The following MREG variants were observed in gnomAD, a reference collection of about 807,000 sequenced individuals.
The protein encoded by MREG is melanoregulin.
Under a neutral mutation model 28.5 loss-of-function variants are expected in MREG, and 31 were observed. The observed-to-expected ratio is 1.09, with a 90% CI of 0.82 to 1.47. The LOEUF is 1.47. Ranked by LOEUF, MREG falls within the 40% of genes most tolerant of loss-of-function variation. MREG has a pLI of 0.00. For missense variants in MREG, 256 were observed against 257.4 expected (o/e 0.99, Z 0.04); for synonymous variants, 106 against 95.2 (o/e 1.11, Z -0.66).
intron 2 of MREG, among the ~76,000 whole-genome samples, chr2:215,989,824 A>G (rs1189015150): frequency 6.6e-6 from 1 of 152,022 alleles, no homozygotes; most frequent in East Asian, 1.9e-4. Flanking sequence ...AATGAAATAA[A>G]GCATGAAGAC....
intron 1 of MREG, among the ~76,000 whole-genome samples, chr2:216,031,596 G>T (rs1032024965): frequency 1.1e-5 from 1 of 88,388 alleles, no homozygotes; most frequent in Non-Finnish European, 2.8e-5. Context: ...GGAAAGAAAA[G>T]AAGGAAAGAA....
chr2:215,983,310 G>A (rs1693479120), intron 2 of MREG, among the ~76,000 whole-genome samples: 1 of 152,220 alleles, frequency 6.6e-6, no homozygotes, highest in African/African-American at 2.4e-5. Context: ...GAGCCAGACT[G>A]GAGTATCTCA....
intron 2 of MREG, among the ~76,000 whole-genome samples, chr2:215,971,083 C>G (rs750068366): frequency 1.3e-5 from 2 of 151,996 alleles, no homozygotes; most frequent in African/African-American, 4.8e-5. Context: ...GGGAGTTGAA[C>G]AATGAGAATA....
chr2:215,976,248 T>C (rs887539003), intron 2 of MREG, among the ~76,000 whole-genome samples: 1 of 152,238 alleles, frequency 6.6e-6, no homozygotes, highest in African/African-American at 2.4e-5. Flanking sequence ...ATCCCATGCA[T>C]CTTGCCTTCT....
rs1320297900 is a variant in MREG at position 215,979,319 on chromosome 2, CG to C, written c.255+16986del. Among the ~76,000 whole-genome samples the C allele has an allele frequency of 2.2e-4, 33 of 151,738 alleles. No homozygotes were observed. The East Asian group carries it at 6.4e-3, about 29-fold the overall frequency. ...TCTCTACTAAAAATACAAAATTAGC[CG>C]GGCATGGTGGCGCATGCCTGTAATC... is the stretch of plus-strand genomic sequence containing the variant. On this transcript the variant is annotated intron_variant, in intron 2 of 4. Transcript: ENST00000263268.
At chr2:216,018,066 G>A (rs1694472668), upstream of MREG, among the ~76,000 whole-genome samples, 1 of 152,066 alleles carries the variant, frequency 6.6e-6, no homozygotes, top group African/African-American at 2.4e-5. Flanking sequence ...GGGAGGCTGA[G>A]GCAGGAGAAT....
rs183760604 is a variant in MREG at position 215,995,395 on chromosome 2, G to C, written c.255+911C>G. Among the ~76,000 whole-genome samples the C allele has an allele frequency of 1.8e-3, 279 of 152,192 alleles. 2 individuals are homozygous for C. Among genetic ancestry groups the C allele is most frequent in the Middle Eastern group, 6.8e-3 (2 of 294 alleles). On this transcript the variant is annotated intron_variant, in intron 2 of 4. Coordinates refer to ENST00000263268, the MANE Select transcript of MREG (RefSeq NM_018000.3). ...ACCGGGACACATGACACTTCTAAAA[G>C]TTATCACCTCCTGCTAAAATATGTT...
At chr2:215,995,511 C>CCGG (rs1553553521) in intron 2 of MREG, among the ~76,000 whole-genome samples, 3 of 136,124 alleles carry the variant, frequency 2.2e-5, no homozygotes, top group African/African-American at 9.6e-5. Flanking sequence ...CCCACCCCAC[C>CCGG]CCCCGCCACC....
chr2:216,025,659 T>C (rs567622662), intron 1 of MREG, among the ~76,000 whole-genome samples: 1 of 152,316 alleles, frequency 6.6e-6, no homozygotes, highest in African/African-American at 2.4e-5. Flanking sequence ...GAAAGGAACA[T>C]GGCCTTAGCC....
At chr2:216,014,882 T>G (rs1694408112), upstream of MREG, among the ~76,000 whole-genome samples, 2 of 152,224 alleles carry the variant, frequency 1.3e-5, no homozygotes, top group Admixed American at 6.5e-5. Flanking sequence ...CCAGTCTGAT[T>G]TATTCAACAA....
At chr2:215,959,584 C>T (rs946090404) in intron 2 of MREG, among the ~76,000 whole-genome samples, 12 of 152,340 alleles carry the variant, frequency 7.9e-5, no homozygotes, top group Middle Eastern at 3.4e-3. Context: ...GATTGGGTCA[C>T]TTCCCTCCCT....
intron 1 of MREG, among the ~76,000 whole-genome samples, chr2:216,031,416 GGAAGAAAGAAAGA>G (rs1694688574): frequency 3.9e-5 from 3 of 76,414 alleles, no homozygotes; most frequent in African/African-American, 1.8e-4. Flanking sequence ...AAGGAAGAAA[GGAAGAAAGAAAGA>G]AAAGAAAGAA....
chr2:215,956,347 C>T (rs1377080561), intron 2 of MREG, among the ~76,000 whole-genome samples: 1 of 152,188 alleles, frequency 6.6e-6, no homozygotes, highest in African/African-American at 2.4e-5. Context: ...ATCTATCTAT[C>T]TATCTACCTA....
chr2:216,010,375 T>TTTTTTTTA (rs1694268600), intron 1 of MREG, among the ~76,000 whole-genome samples: 1 of 146,468 alleles, frequency 6.8e-6, no homozygotes, highest in African/African-American at 2.6e-5. Flanking sequence ...TTTTTTTTTT[T>TTTTTTTTA]GAGACGGAGT....
intron 1 of MREG, among the ~76,000 whole-genome samples, 162 bp downstream of exon 1, chr2:216,013,071 C>G (rs1694354088): frequency 6.6e-6 from 1 of 152,184 alleles, no homozygotes; most frequent in African/African-American, 2.4e-5. Flanking sequence ...AAGGAACAAA[C>G]CCAAAACATC....
At chr2:216,009,638 C>T (rs904219148) in intron 1 of MREG, among the ~76,000 whole-genome samples, 19 of 152,114 alleles carry the variant, frequency 1.2e-4, no homozygotes, top group African/African-American at 4.3e-4. Context: ...CATGTTCAAG[C>T]GATTCTCCTG....
intron 4 of MREG, 54 bp from the exon 5 acceptor site, chr2:215,945,051 A>C: frequency 6.7e-7 from 1 of 1,499,878 alleles, no homozygotes; most frequent in South Asian, 1.4e-5. Flanking sequence ...GAACCAAGAC[A>C]TGTCGATGGG....
intron 3 of MREG, among the ~76,000 whole-genome samples, chr2:215,946,609 C>T (rs34537947): frequency 0.33 from 49,841 of 151,998 alleles, 8,570 homozygotes; most frequent in Non-Finnish European, 0.39. Flanking sequence ...ATATTTCTTC[C>T]GAAATTCTAC....
chr2:216,010,620 G>C (rs1214535883), intron 1 of MREG, among the ~76,000 whole-genome samples: 2 of 151,176 alleles, frequency 1.3e-5, no homozygotes, highest in Non-Finnish European at 2.9e-5. Context: ...GCCTCCCAAA[G>C]TGCTGGGATT....
Sources: allele counts gnomAD v4.1 joint callset (sites outside exome capture counted in the v4.1 genomes callset), GRCh38; gene constraint gnomAD v4.1.1; transcripts MANE v1.5; gene names NCBI Gene and HGNC (gene_info 2026-07-23, HGNC 2026-07-21).